TNFSF13B: variants seen among roughly 807,000 people sequenced by gnomAD.
TNFSF13B encodes TNF superfamily member 13b, also known as tumor necrosis factor ligand superfamily member 13B.
In TNFSF13B, 8 loss-of-function variants were observed where a neutral mutation model predicts 29.1. The ratio of observed to expected loss-of-function variants is 0.27; its 90% CI spans 0.16 to 0.50. TNFSF13B has a LOEUF of 0.50. Among genes scored for constraint, TNFSF13B ranks in the 20% least tolerant of loss-of-function variants. The pLI, the probability that TNFSF13B is intolerant of heterozygous loss-of-function variation, is 0.98. For missense variants in TNFSF13B, 248 were observed against 334.9 expected (o/e 0.74, Z 2.03); for synonymous variants, 125 against 130.8 (o/e 0.96, Z 0.30).
At chr13:108,291,102 T>C (rs1881294864) in intron 3 of TNFSF13B, among the ~76,000 whole-genome samples, 1 of 151,992 alleles carries the variant, frequency 6.6e-6, no homozygotes, top group African/African-American at 2.4e-5. Flanking sequence ...CCATATTGAC[T>C]TAATGTCTAT....
rs1322461632 is a variant in TNFSF13B, at chr13:108,296,955, A to G, written c.482-6298A>G. On this transcript the variant is annotated intron_variant, in intron 3 of 5. Coordinates refer to ENST00000375887, the MANE Select transcript of TNFSF13B (RefSeq NM_006573.5). ...TATTATTTTATGTATTTGCCTTTTA[A>G]ATAGTATAGGAAACAAAAGGAGAAG... 1.4e-5 allele frequency among the ~76,000 whole-genome samples: 2 copies of G among 145,718 alleles called. 1 individual carries two copies. The highest frequency in any genetic ancestry group is 3.1e-5 in the Non-Finnish European group (2 of 65,506).
chr13:108,303,100 C>T (rs1881672578), intron 3 of TNFSF13B, among the ~76,000 whole-genome samples, 153 bp from the exon 4 acceptor site: 2 of 151,940 alleles, frequency 1.3e-5, no homozygotes, highest in South Asian at 2.1e-4. Context: ...AGTAATGTGA[C>T]TTGTATTCCT....
chr13:108,285,666 T>C (rs1209870000), intron 2 of TNFSF13B, among the ~76,000 whole-genome samples: 1 of 152,198 alleles, frequency 6.6e-6, no homozygotes. Context: ...AGTGCATGAC[T>C]GTATTAGAAA....
chr13:108,275,302 A>G (rs1880733362), intron 2 of TNFSF13B, among the ~76,000 whole-genome samples: 1 of 152,116 alleles, frequency 6.6e-6, no homozygotes, highest in African/African-American at 2.4e-5. Context: ...TAATTTTAAG[A>G]ACCTAAAGAT....
intron 3 of TNFSF13B, among the ~76,000 whole-genome samples, chr13:108,292,332 T>A (rs1001631112): frequency 6.6e-5 from 10 of 152,142 alleles, no homozygotes; most frequent in African/African-American, 1.9e-4. Context: ...ATGTATATCA[T>A]TCTATTATAA....
intron 2 of TNFSF13B, among the ~76,000 whole-genome samples, chr13:108,272,025 T>C (rs1880634139): frequency 6.6e-6 from 1 of 152,290 alleles, no homozygotes; most frequent in African/African-American, 2.4e-5. Context: ...AAATGAGTTA[T>C]ACATGCAATC....
intron 3 of TNFSF13B, among the ~76,000 whole-genome samples, chr13:108,293,140 G>T (rs1014702350): frequency 1.3e-5 from 2 of 152,030 alleles, no homozygotes; most frequent in African/African-American, 2.4e-5. Flanking sequence ...TTAGCATGAG[G>T]ATATCTAGTT....
intron 2 of TNFSF13B, among the ~76,000 whole-genome samples, chr13:108,283,846 C>A (rs1362851573): frequency 2.6e-5 from 4 of 152,156 alleles, no homozygotes; most frequent in African/African-American, 9.7e-5. Context: ...CCTTTGGGAT[C>A]TCTTTTATAA....
Position 108,306,881 on chromosome 13 carries a change from T to C in TNFSF13B, c.801T>C (p.Asn267=), listed in dbSNP as rs1039072356. ...DELQLAIPRE[N]AQISLDGDVT... Reference sequence around the variant, plus strand: ...TCCAACTTGCAATACCAAGAGAAAATGCACAAATATCACTGGATGGAGATG... The same window carrying C: ...TCCAACTTGCAATACCAAGAGAAAACGCACAAATATCACTGGATGGAGATG... The change falls in exon 6 of 6, where the codon AAT becomes AAC. Residue 267 remains asparagine (N), a synonymous_variant. Coordinates refer to ENST00000375887, the MANE Select transcript of TNFSF13B (RefSeq NM_006573.5). The C allele has an allele frequency of 1.9e-6, 3 of 1,611,200 alleles. No homozygotes were observed. The highest frequency in any genetic ancestry group is 2.7e-5 in the African/African-American group (2 of 74,658).
At chr13:108,291,950 G>A (rs894635641) in intron 3 of TNFSF13B, among the ~76,000 whole-genome samples, 1 of 151,680 alleles carries the variant, frequency 6.6e-6, no homozygotes. Flanking sequence ...AAATACTAGG[G>A]GTAGCTACCT....
chr13:108,274,355 A>G (rs1880704434), intron 2 of TNFSF13B, among the ~76,000 whole-genome samples: 1 of 100,130 alleles, frequency 1.0e-5, no homozygotes, highest in Non-Finnish European at 2.2e-5. Flanking sequence ...GTACAAATAT[A>G]TACACATACA....
intron 3 of TNFSF13B, among the ~76,000 whole-genome samples, chr13:108,301,816 C>T (rs549409908): frequency 2.7e-4 from 41 of 152,098 alleles, no homozygotes; most frequent in Middle Eastern, 3.4e-3. Context: ...GACAACTGTA[C>T]GAGGTAACAT....
intron 3 of TNFSF13B, among the ~76,000 whole-genome samples, chr13:108,290,150 A>C (rs1260797292): frequency 6.6e-6 from 1 of 152,168 alleles, no homozygotes; most frequent in African/African-American, 2.4e-5. Context: ...TATGATTTGA[A>C]AATGAGATTA....
In TNFSF13B at chr13:108,307,531, A is replaced by G. The variant is rs1594538169; in HGVS notation, c.*593A>G. On this transcript the variant is annotated 3_prime_UTR_variant, in exon 6 of 6. Transcript: ENST00000375887. ...TTGCTGAAAATAGTATCCATATACT[A>G]TTTAAGTCTTTTATGGTTATTTCAA... The G allele has an allele frequency of 6.6e-6, 1 of 152,098 alleles. No homozygotes were observed. The highest frequency in any genetic ancestry group is 1.5e-5 in the Non-Finnish European group (1 of 67,992). The allele number at this position is 152,098 out of a possible 1,614,324, so 9.4% of individuals were successfully genotyped here. A position where few individuals can be genotyped will look rare whatever the true frequency, so the allele number is the denominator to read the frequency against.
At chr13:108,298,782 G>A (rs2139065944) in intron 3 of TNFSF13B, among the ~76,000 whole-genome samples, 1 of 145,184 alleles carries the variant, frequency 6.9e-6, no homozygotes, top group Non-Finnish European at 1.5e-5. Context: ...GACCAGCCTG[G>A]CCAATATGGT....
At chr13:108,271,607 G>C (rs1169190300) in intron 2 of TNFSF13B, among the ~76,000 whole-genome samples, 1 of 152,096 alleles carries the variant, frequency 6.6e-6, no homozygotes, top group Non-Finnish European at 1.5e-5. Context: ...CTTTATACTA[G>C]TTATCAGGAA....
chr13:108,270,519 A>G (rs1880584698), intron 2 of TNFSF13B, 95 bp downstream of exon 2: 2 of 1,158,222 alleles, frequency 1.7e-6, no homozygotes, highest in East Asian at 5.0e-5. Flanking sequence ...CTATGAACCT[A>G]TTAAATAGAG....
intron 3 of TNFSF13B, among the ~76,000 whole-genome samples, chr13:108,293,699 G>C (rs1318488878): frequency 6.6e-6 from 1 of 152,162 alleles, no homozygotes; most frequent in Non-Finnish European, 1.5e-5. Flanking sequence ...AGTCAGTTCA[G>C]TTTGCTATAA....
intron 3 of TNFSF13B, among the ~76,000 whole-genome samples, chr13:108,302,207 A>G (rs1881645619): frequency 6.6e-6 from 1 of 152,122 alleles, no homozygotes; most frequent in Non-Finnish European, 1.5e-5. Context: ...TTTTGCTATG[A>G]TCAGGATGAA....
Sources: gnomAD v4.1 joint callset for allele counts (sites outside exome capture counted in the v4.1 genomes callset) on GRCh38, gnomAD v4.1.1 for gene constraint, MANE v1.5 for transcripts, NCBI Gene and HGNC (gene_info 2026-07-23, HGNC 2026-07-21) for gene names.